Variants in ARRDC1 observed in about 807,000 individuals in gnomAD.
ARRDC1 encodes the protein arrestin domain containing 1.
ARRDC1 carries 37 observed loss-of-function variants against 40.1 expected under a neutral mutation model. That is an observed-to-expected ratio of 0.92 (90% CI 0.71 to 1.21). ARRDC1 has a LOEUF of 1.21. Ranked by LOEUF, ARRDC1 falls within the 50% of genes most tolerant of loss-of-function variation. The probability of loss-of-function intolerance (pLI) is 0.00; values close to 1 mark genes in which losing one functional copy is unlikely to be tolerated. For synonymous variants in ARRDC1, 310 were observed against 262.5 expected (o/e 1.18, Z -1.75); for missense variants, 641 against 581.9 (o/e 1.10, Z -1.04).
chr9:137,613,395 G>A, intron 2 of ARRDC1, 65 bp from the exon 3 acceptor site: 1 of 1,561,046 alleles, frequency 6.4e-7, no homozygotes, highest in Non-Finnish European at 8.7e-7. Context: ...TCTTATCCTG[G>A]CCCTGTGGCC....
chr9:137,607,339 G>A (rs1387819792), intron 1 of ARRDC1, among the ~76,000 whole-genome samples: 2 of 152,182 alleles, frequency 1.3e-5, no homozygotes, highest in Non-Finnish European at 2.9e-5. Context: ...GAGGCCCTCA[G>A]CCCCCAGGAG....
intron 1 of ARRDC1, among the ~76,000 whole-genome samples, chr9:137,606,645 C>T (rs995996833): frequency 1.4e-4 from 21 of 152,214 alleles, no homozygotes; most frequent in African/African-American, 5.1e-4. Context: ...GACCCTGCAC[C>T]GCCTGAGGCT....
intron 1 of ARRDC1, among the ~76,000 whole-genome samples, chr9:137,608,232 C>T (rs1408275956): frequency 3.9e-5 from 6 of 152,332 alleles, no homozygotes; most frequent in East Asian, 1.9e-4. Context: ...CCGCCCGCCT[C>T]GGCCTCCCAA....
Position 137,615,164 on chromosome 9 carries a change from C to T in ARRDC1, c.*26C>T, listed in dbSNP as rs752600066. On this transcript the variant is annotated 3_prime_UTR_variant, in exon 8 of 8. Transcript: ENST00000371421. ...CCCCGTGCTGCCTTCTCCAGGCAGG[C>T]CTGGCCTCTGCCCTGGGACTGGGGC... 1.3e-6 allele frequency: 2 copies of T among 1,509,700 alleles called. No individual in the cohort carries two copies. Among genetic ancestry groups the T allele is most frequent in the Admixed American group, 4.5e-5 (2 of 44,882 alleles). The allele number at this position is 1,509,700 out of a possible 1,614,324, so 93.5% of individuals were successfully genotyped here. A position where few individuals can be genotyped will look rare whatever the true frequency, so the allele number is the denominator to read the frequency against.
intron 2 of ARRDC1, 127 bp from the exon 3 acceptor site, chr9:137,613,333 T>C: frequency 9.4e-7 from 1 of 1,060,570 alleles, no homozygotes; most frequent in Non-Finnish European, 1.4e-6. Context: ...GCTGTGGCGC[T>C]GGTGACTGAG....
chr9:137,614,812 G>A lies in ARRDC1; in HGVS notation c.1049G>A (p.Ser350Asn), dbSNP rs1192766002. ...CGGCAGCCCCTGCTGGCCACCTTGA[G>A]TTCTGTGCCTGGTGCGCCGGAGCCC... is the stretch of plus-strand genomic sequence containing the variant. ...SQRQPLLATLSSVPGAPEPCP... is the reference protein window; with the variant it reads ...SQRQPLLATLNSVPGAPEPCP... Residue 350 changes from serine (S) to asparagine (N), a missense_variant, in exon 7 of 8, where the codon AGT (serine) becomes AAT (asparagine). Physicochemically the swap from Ser to Asn is conservative, Grantham distance 46. Coordinates refer to ENST00000371421, the MANE Select transcript of ARRDC1 (RefSeq NM_152285.4). 1 of 1,613,190 alleles carries A rather than the reference G, an allele frequency of 6.2e-7. No homozygotes were observed. Among genetic ancestry groups the A allele is most frequent in the African/African-American group, 1.3e-5 (1 of 75,034 alleles).
chr9:137,613,367 G>A (rs1842575803), intron 2 of ARRDC1, 93 bp from the exon 3 acceptor site: 1 of 1,394,650 alleles, frequency 7.2e-7, no homozygotes, highest in Non-Finnish European at 9.8e-7. Context: ...GTGTGAGCTG[G>A]TCAGCTGCAG....
chr9:137,607,094 A>G (rs1322593708), intron 1 of ARRDC1, among the ~76,000 whole-genome samples: 2 of 152,154 alleles, frequency 1.3e-5, no homozygotes, highest in African/African-American at 2.4e-5. Flanking sequence ...TGATGGTCCT[A>G]CCTCACAGAG....
At position 137,614,918 on chromosome 9, in the gene ARRDC1, T is replaced by G. The variant is rs1227275002; in HGVS notation, c.1155T>G (p.Phe385Leu). ...CAACAGGTGCCACTGTCCCCTACTT[T>G]GCAGAGGGCTCCGGGGGGCCAGTGC... ...CISTGATVPY[F>L]AEGSGGPVPT... is the part of the protein sequence containing the mutation. Residue 385 changes from phenylalanine (F) to leucine (L), a missense_variant, in exon 7 of 8, where the codon TTT becomes TTG. Phe to Leu is a conservative substitution (Grantham distance 22). Coordinates refer to ENST00000371421, the MANE Select transcript of ARRDC1 (RefSeq NM_152285.4). 6.2e-7 allele frequency: 1 copy of G among 1,613,762 alleles called. No individual in the cohort carries two copies. The highest frequency in any genetic ancestry group is 8.5e-7 in the Non-Finnish European group (1 of 1,179,992).
intron 1 of ARRDC1, among the ~76,000 whole-genome samples, chr9:137,607,134 G>T (rs1470632712): frequency 6.6e-6 from 1 of 152,242 alleles, no homozygotes; most frequent in Non-Finnish European, 1.5e-5. Flanking sequence ...AAAAAGGAGG[G>T]TCGTGAGCTA....
chr9:137,606,847 T>G (rs1188518764), intron 1 of ARRDC1, among the ~76,000 whole-genome samples: 1 of 152,206 alleles, frequency 6.6e-6, no homozygotes, highest in African/African-American at 2.4e-5. Flanking sequence ...TGGTGTGTGG[T>G]GAGGCCGGCT....
At chr9:137,608,792 G>C (rs1232790920) in intron 1 of ARRDC1, among the ~76,000 whole-genome samples, 1 of 152,242 alleles carries the variant, frequency 6.6e-6, no homozygotes, top group Non-Finnish European at 1.5e-5. Context: ...GGAGCCCCTT[G>C]CCTCCCGTGT....
Position 137,605,817 on chromosome 9 carries a change from G to A in ARRDC1, c.100G>A (p.Ala34Thr). Reference protein sequence around the residue: ...LAGTVRVRLGAPLPFRAIRVT... With the variant: ...LAGTVRVRLGTPLPFRAIRVT... ...TGGGACCGTGCGCGTGCGCCTGGGG[G>A]CACCGCTGCCGTTCCGAGGTGGGCG... is the stretch of plus-strand genomic sequence containing the variant. The change falls in exon 1 of 8, where the codon GCA (alanine) becomes ACA (threonine). Residue 34 changes from alanine to threonine, a missense_variant. By Grantham distance (58) the Ala-to-Thr change is moderately conservative (BLOSUM62 0). Coordinates refer to ENST00000371421, the MANE Select transcript of ARRDC1 (RefSeq NM_152285.4). 7.8e-7 allele frequency: 1 copy of A among 1,275,364 alleles called. No homozygotes were observed. Among genetic ancestry groups the A allele is most frequent in the Non-Finnish European group, 9.9e-7 (1 of 1,010,714 alleles). The allele number at this position is 1,275,364 out of a possible 1,614,324, so 79.0% of individuals were successfully genotyped here. A position where few individuals can be genotyped will look rare whatever the true frequency, so the allele number is the denominator to read the frequency against.
At position 137,614,755 on chromosome 9, in the gene ARRDC1, C is replaced by T. The variant is rs1463978691; in HGVS notation, c.992C>T (p.Pro331Leu). The change falls in exon 7 of 8, where the codon CCC becomes CTC. Residue 331 changes from proline to leucine, a missense_variant. Physicochemically the swap from Pro to Leu is moderately conservative, Grantham distance 98. Transcript: ENST00000371421. The stretch of plus-strand genomic sequence containing the variant: ...GCTGGCGGCCCCCACTTCTTGGACC[C>T]CGTCTTCCTCTCCACCAAGAGCCAT... ...AAAGGPHFLD[P>L]VFLSTKSHSQ... is the part of the protein sequence containing the mutation. 1.2e-6 allele frequency: 2 copies of T among 1,610,038 alleles called. No homozygotes were observed. The highest frequency in any genetic ancestry group is 2.2e-5 in the South Asian group (2 of 90,850).
chr9:137,612,753 T>C (rs1842555083), intron 1 of ARRDC1, 143 bp from the exon 2 acceptor site: 1 of 623,352 alleles, frequency 1.6e-6, no homozygotes, highest in Non-Finnish European at 2.8e-6. Context: ...TCCTCTGAAG[T>C]GGCATGGGCT....
In ARRDC1 at chr9:137,615,285, TG is replaced by T. The variant is rs1435753687; in HGVS notation, c.*151del. 1.1e-5 allele frequency: 8 copies of T among 753,722 alleles called. No individual in the cohort carries two copies. In the African/African-American group the frequency reaches 1.3e-4, roughly 12 times the overall value. 46.7% of individuals were successfully genotyped at this position (753,722 alleles called of 1,614,324 possible). On this transcript the variant is annotated 3_prime_UTR_variant, in exon 8 of 8. Coordinates refer to ENST00000371421, the MANE Select transcript of ARRDC1 (RefSeq NM_152285.4). ...CCTCTGGCATCCGCCCTCTTCTCCC[TG>T]GGGCTGGGGTGGGGGTGGCAGGGAG...
At chr9:137,610,903 G>T (rs1564500150) in intron 1 of ARRDC1, among the ~76,000 whole-genome samples, 1 of 152,136 alleles carries the variant, frequency 6.6e-6, no homozygotes, top group Non-Finnish European at 1.5e-5. Context: ...CACCATGTCA[G>T]CCAGGCTGGT....
rs991246535 is a variant in ARRDC1, at chr9:137,605,927, G to T, written c.118+92G>T. 31 of 791,444 alleles carry T rather than the reference G, an allele frequency of 3.9e-5. No individual in the cohort carries two copies. The African/African-American group carries it at 5.2e-4, about 13-fold the overall frequency. 49.0% of individuals were successfully genotyped at this position (791,444 alleles called of 1,614,324 possible). A position where few individuals can be genotyped will look rare whatever the true frequency, so the allele number is the denominator to read the frequency against. On this transcript the variant is annotated intron_variant, in intron 1 of 7. Transcript: ENST00000371421. ...CTGCCGTCGCCTGGCCCCGGGTTGG[G>T]CCCGCGGAGTCGCTGTCTTCGCCGC...
intron 1 of ARRDC1, among the ~76,000 whole-genome samples, chr9:137,609,224 T>C (rs1177713969): frequency 6.6e-6 from 1 of 152,240 alleles, no homozygotes; most frequent in African/African-American, 2.4e-5. Context: ...CTCCAACGTG[T>C]GTTGAGACAT....
Sources: allele counts gnomAD v4.1 joint callset (sites outside exome capture counted in the v4.1 genomes callset), GRCh38; gene constraint gnomAD v4.1.1; transcripts MANE v1.5; gene names NCBI Gene and HGNC (gene_info 2026-07-23, HGNC 2026-07-21).